The following CEP350 variants were observed in gnomAD, a reference collection of about 807,000 sequenced individuals.
CEP350 encodes centrosomal protein 350, also known as centrosome-associated protein 350.
Under a neutral mutation model 331.8 loss-of-function variants are expected in CEP350, and 126 were observed. That is an observed-to-expected ratio of 0.38 (90% CI 0.33 to 0.44). CEP350 has a LOEUF of 0.44. CEP350 is among the 20% of genes least tolerant of loss of function. CEP350 has a pLI of 1.00. For synonymous variants in CEP350, 1,200 were observed against 1,259.5 expected (o/e 0.95, Z 1.00); for missense variants, 3,406 against 3,634.6 (o/e 0.94, Z 1.62).
At chr1:179,995,236 T>C (rs1338958559) in intron 5 of CEP350, among the ~76,000 whole-genome samples, 2 of 152,174 alleles carry the variant, frequency 1.3e-5, no homozygotes, top group African/African-American at 2.4e-5. Context: ...TTTTTTTTCA[T>C]GATTCATGTG....
Position 179,962,462 on chromosome 1 carries a change from C to T in CEP350, c.-14+7320C>T, listed in dbSNP as rs147621992. Among the ~76,000 whole-genome samples the T allele has an allele frequency of 3.7e-3, 555 of 152,030 alleles. 5 individuals carry two copies. The highest frequency in any genetic ancestry group is 0.013 in the African/African-American group (522 of 41,438). The stretch of plus-strand genomic sequence containing the variant: ...TCTCGCTCTGTTGCTCACGCTGGAG[C>T]GCAGTGACGTGATCTTGGCTCACTG... On this transcript the variant is annotated intron_variant, in intron 1 of 37. Transcript: ENST00000367607.
rs1334185256 is a variant in CEP350 at position 180,114,012 on chromosome 1, A to T, written c.*2851A>T. On this transcript the variant is annotated 3_prime_UTR_variant, in exon 38 of 38. Coordinates refer to ENST00000367607, the MANE Select transcript of CEP350 (RefSeq NM_014810.5). Reference sequence around the variant, plus strand: ...ACACAGGAATTTTTACCATAGGGAAAAGTGGGGAGAGCTCAAACGTAGTTA... The same window carrying T: ...ACACAGGAATTTTTACCATAGGGAATAGTGGGGAGAGCTCAAACGTAGTTA... 6.6e-6 allele frequency: 1 copy of T among 152,648 alleles called. No homozygotes were observed. Among genetic ancestry groups the T allele is most frequent in the Non-Finnish European group, 1.5e-5 (1 of 68,038 alleles). 9.5% of individuals were successfully genotyped at this position (152,648 alleles called of 1,614,324 possible).
chr1:179,963,002 A>G (rs1168721642), intron 1 of CEP350, among the ~76,000 whole-genome samples: 4 of 152,140 alleles, frequency 2.6e-5, no homozygotes, highest in African/African-American at 4.8e-5. Context: ...AATAATAGCA[A>G]TTCTGACTGG....
intron 17 of CEP350, among the ~76,000 whole-genome samples, chr1:180,040,749 T>G (rs2148916078): frequency 6.6e-6 from 1 of 152,186 alleles, no homozygotes; most frequent in African/African-American, 2.4e-5. Context: ...TTAATGAAAC[T>G]ACTACTTCAA....
At chr1:180,101,459 C>T (rs138946370) in intron 37 of CEP350, among the ~76,000 whole-genome samples, 20 of 152,236 alleles carry the variant, frequency 1.3e-4, no homozygotes, top group South Asian at 2.1e-4. Flanking sequence ...TTTAATAACA[C>T]GTAAAAGTTT....
chr1:179,974,216 A>G (rs994314783), intron 1 of CEP350, among the ~76,000 whole-genome samples: 2 of 151,930 alleles, frequency 1.3e-5, no homozygotes, highest in Non-Finnish European at 2.9e-5. Flanking sequence ...CGTAGCTGGG[A>G]CCACAGGTGC....
In CEP350 at chr1:180,006,466, T is replaced by C; in HGVS notation, c.1145T>C (p.Ile382Thr). ...TTCTGCTTTTCAGATGATATTTCTA[T>C]AAAGGAGAAACCTGCTGAAAAAAGT... ...LALHFADDIS[I>T]KEKPAEKSKE... The change falls in exon 8 of 38, where the codon ATA becomes ACA. Residue 382 changes from isoleucine to threonine, a missense_variant. Around this residue, in one of 5 missense-constraint regions of CEP350, gnomAD observed 1,857 missense variants for 1,909.2 expected, o/e 0.97. Coordinates refer to ENST00000367607, the MANE Select transcript of CEP350 (RefSeq NM_014810.5). The C allele has an allele frequency of 6.6e-7, 1 of 1,503,854 alleles. No homozygotes were observed. Among genetic ancestry groups the C allele is most frequent in the South Asian group, 1.2e-5 (1 of 83,088 alleles). The allele number at this position is 1,503,854 out of a possible 1,614,324, so 93.2% of individuals were successfully genotyped here. A position where few individuals can be genotyped will look rare whatever the true frequency, so the allele number is the denominator to read the frequency against.
At chr1:180,107,100 A>G (rs757571300) in intron 37 of CEP350, among the ~76,000 whole-genome samples, 5 of 152,204 alleles carry the variant, frequency 3.3e-5, no homozygotes, top group Non-Finnish European at 7.3e-5. Context: ...AGAGCTAAAG[A>G]CAGCCTTTCA....
At position 180,014,251 on chromosome 1, in the gene CEP350, A is replaced by G. The variant is rs781371779; in HGVS notation, c.1798A>G (p.Ile600Val). ...TGACACAGATGAGGTACGACAGTAC[A>G]TTGTTAGGCAGCAGGAGGAAAGGAA... ...HYDTDEVRQYIVRQQEERKRK... is the reference protein window; with the variant it reads ...HYDTDEVRQYVVRQQEERKRK... The change falls in exon 10 of 38, where the codon ATT (isoleucine) becomes GTT (valine). Residue 600 changes from isoleucine (I) to valine (V), a missense_variant. By Grantham distance (29) the Ile-to-Val change is conservative (BLOSUM62 3). Around this residue, in one of 5 missense-constraint regions of CEP350, gnomAD observed 1,857 missense variants for 1,909.2 expected, o/e 0.97. Transcript: ENST00000367607. 5.6e-6 allele frequency: 9 copies of G among 1,609,126 alleles called. No homozygotes were observed. The East Asian group carries it at 6.7e-5, about 12-fold the overall frequency.
intron 37 of CEP350, among the ~76,000 whole-genome samples, chr1:180,109,328 C>T (rs1396628747): frequency 6.6e-6 from 1 of 152,092 alleles, no homozygotes; most frequent in Non-Finnish European, 1.5e-5. Context: ...CCACATTGGT[C>T]AGGGTGGTCT....
At chr1:180,060,647 T>C (rs1658166745) in intron 25 of CEP350, among the ~76,000 whole-genome samples, 1 of 152,022 alleles carries the variant, frequency 6.6e-6, no homozygotes, top group Non-Finnish European at 1.5e-5. Flanking sequence ...ACCTTGACTC[T>C]AAAAAATTTT....
intron 6 of CEP350, among the ~76,000 whole-genome samples, chr1:180,000,216 A>G (rs1653768624): frequency 6.6e-6 from 1 of 152,224 alleles, no homozygotes; most frequent in South Asian, 2.1e-4. Context: ...AAAGACTCTC[A>G]TAGGGATAAA....
intron 22 of CEP350, among the ~76,000 whole-genome samples, chr1:180,051,551 C>T (rs1278881730): frequency 6.6e-6 from 1 of 152,148 alleles, no homozygotes. Flanking sequence ...CTGTATGATG[C>T]TATGTATTTG....
intron 1 of CEP350, chr1:179,969,375 G>A: frequency 1.9e-6 from 1 of 515,766 alleles, no homozygotes; most frequent in African/African-American, 1.9e-5. Context: ...GTTGCAGACT[G>A]GTCTGAGGGC....
chr1:180,005,837 A>G (rs1178397616), intron 7 of CEP350, among the ~76,000 whole-genome samples: 1 of 152,158 alleles, frequency 6.6e-6, no homozygotes, highest in African/African-American at 2.4e-5. Context: ...GCCTTTACTT[A>G]TACTTATTTC....
chr1:180,047,976 G>A (rs1657242781), intron 21 of CEP350, among the ~76,000 whole-genome samples: 1 of 151,984 alleles, frequency 6.6e-6, no homozygotes, highest in South Asian at 2.1e-4. Flanking sequence ...AAAGTTGCAA[G>A]AATAATAGAA....
At chr1:179,957,576 C>G (rs1650260832) in intron 1 of CEP350, among the ~76,000 whole-genome samples, 1 of 152,124 alleles carries the variant, frequency 6.6e-6, no homozygotes. Context: ...TCAATAAATA[C>G]TAATTGAAGA....
intron 26 of CEP350, among the ~76,000 whole-genome samples, chr1:180,063,471 G>GTGT (rs1204644384): frequency 6.6e-6 from 1 of 151,848 alleles, no homozygotes; most frequent in East Asian, 2.0e-4. Context: ...AGGATTACAG[G>GTGT]TGTGAGCCAC....
At chr1:180,057,421 T>A (rs1438401152) in intron 25 of CEP350, among the ~76,000 whole-genome samples, 1 of 152,022 alleles carries the variant, frequency 6.6e-6, no homozygotes, top group African/African-American at 2.4e-5. Flanking sequence ...TTTCTACTTA[T>A]TATCCATAGT....
Sources: allele counts gnomAD v4.1 joint callset (sites outside exome capture counted in the v4.1 genomes callset), GRCh38; gene constraint gnomAD v4.1.1; regional missense constraint gnomAD v4.1.1; transcripts MANE v1.5; gene names NCBI Gene and HGNC (gene_info 2026-07-23, HGNC 2026-07-21).